MMP26: variants seen among roughly 807,000 people sequenced by gnomAD.
MMP26 encodes the protein matrix metallopeptidase 26, also known as matrix metalloproteinase-26.
A neutral mutation model predicts 31.0 loss-of-function variants in MMP26; 33 were observed. The observed-to-expected ratio is 1.06, with a 90% CI of 0.81 to 1.42. MMP26 has a LOEUF of 1.42. Among genes scored for constraint, MMP26 ranks in the 40% most tolerant of loss-of-function variants. The probability of loss-of-function intolerance (pLI) is 0.00; values close to 1 mark genes in which losing one functional copy is unlikely to be tolerated. For missense variants in MMP26, 347 were observed against 316.1 expected, an observed-to-expected ratio of 1.10 and a Z score of -0.74; for synonymous variants, 122 against 114.9, an observed-to-expected ratio of 1.06 and a Z score of -0.40.
chr11:4,799,819 T>A (rs1849157376), intron 2 of MMP26, among the ~76,000 whole-genome samples: 2 of 152,142 alleles, frequency 1.3e-5, no homozygotes, highest in Admixed American at 1.3e-4. Context: ...AAAGGGGCAA[T>A]AAGTCCCACA....
chr11:4,711,125 T>C (rs1013340923), intron 1 of MMP26: 20 of 152,250 alleles, frequency 1.3e-4, no homozygotes, highest in African/African-American at 4.8e-4. Flanking sequence ...TGTAAAGATA[T>C]ATTGTGATGT....
chr11:4,808,130 A>C (rs1408302085), intron 2 of MMP26, among the ~76,000 whole-genome samples: 4 of 152,138 alleles, frequency 2.6e-5, no homozygotes, highest in African/African-American at 9.7e-5. Flanking sequence ...TCTAACTCAC[A>C]CAAAACCTCT....
intron 2 of MMP26, among the ~76,000 whole-genome samples, chr11:4,840,836 T>C (rs977817665): frequency 6.6e-6 from 1 of 152,176 alleles, no homozygotes; most frequent in Non-Finnish European, 1.5e-5. Context: ...GGACCAATCC[T>C]GGAGAAACAG....
At chr11:4,942,038 T>A (rs1028708378) in intron 2 of MMP26, among the ~76,000 whole-genome samples, 1 of 132,174 alleles carries the variant, frequency 7.6e-6, no homozygotes, top group African/African-American at 2.9e-5. Flanking sequence ...TGAGTCAAGA[T>A]CGTGCCACTG....
intron 1 of MMP26, among the ~76,000 whole-genome samples, chr11:4,757,045 T>TA (rs1407231573): frequency 6.6e-6 from 1 of 152,080 alleles, no homozygotes; most frequent in Non-Finnish European, 1.5e-5. Context: ...GCAAAAGACT[T>TA]ACAATTTTGA....
intron 2 of MMP26, among the ~76,000 whole-genome samples, chr11:4,852,203 A>G (rs1250298260): frequency 6.6e-6 from 1 of 152,066 alleles, no homozygotes; most frequent in Non-Finnish European, 1.5e-5. Flanking sequence ...AAAATACATG[A>G]ACCAAAACTG....
chr11:4,763,069 T>G (rs1311179006), intron 1 of MMP26, among the ~76,000 whole-genome samples: 1 of 152,208 alleles, frequency 6.6e-6, no homozygotes. Flanking sequence ...ATTATAAGAT[T>G]AATCTTACAT....
chr11:4,735,471 C>T (rs1462046780), intron 1 of MMP26, among the ~76,000 whole-genome samples: 1 of 152,108 alleles, frequency 6.6e-6, no homozygotes, highest in Non-Finnish European at 1.5e-5. Flanking sequence ...TGGATCTCTC[C>T]CCTTACCTTA....
In MMP26 at chr11:4,843,108, C is replaced by A. The variant is rs76279908; in HGVS notation, c.-145+75767C>A. Among the ~76,000 whole-genome samples the A allele has an allele frequency of 5.4e-3, 822 of 152,358 alleles. 10 individuals carry two copies. Among genetic ancestry groups the A allele is most frequent in the African/African-American group, 0.018 (755 of 41,586 alleles). On this transcript the variant is annotated intron_variant, in intron 2 of 7. Transcript: ENST00000380390. ...TGTGCCCCTGTGGCTATTCAGGATACAGCCCCTGCAGTTGCTTTCACAGGC... is the reference window on the plus strand; with the variant it reads ...TGTGCCCCTGTGGCTATTCAGGATAAAGCCCCTGCAGTTGCTTTCACAGGC...
At chr11:4,762,275 T>C (rs1029722939) in intron 1 of MMP26, among the ~76,000 whole-genome samples, 2 of 152,202 alleles carry the variant, frequency 1.3e-5, no homozygotes, top group African/African-American at 2.4e-5. Context: ...TTTATCCAAA[T>C]TTGTTTTAGT....
chr11:4,910,359 T>C (rs149613493), intron 2 of MMP26, among the ~76,000 whole-genome samples: 2 of 152,244 alleles, frequency 1.3e-5, no homozygotes, highest in Admixed American at 1.3e-4. Flanking sequence ...ATATTCTGCC[T>C]ATGTTAAGGT....
chr11:4,781,563 A>G (rs1848862921), intron 2 of MMP26, among the ~76,000 whole-genome samples: 1 of 54,830 alleles, frequency 1.8e-5, no homozygotes, highest in Non-Finnish European at 5.4e-5. Context: ...CAAAAAAAAA[A>G]AAAAAAAAAA....
chr11:4,729,862 T>C (rs935836079), intron 1 of MMP26, among the ~76,000 whole-genome samples: 13 of 152,148 alleles, frequency 8.5e-5, no homozygotes, highest in African/African-American at 3.1e-4. Flanking sequence ...GCATGGATTT[T>C]TGTGGTCTGA....
chr11:4,711,342 A>AT (rs1847859919), intron 1 of MMP26: 1 of 152,232 alleles, frequency 6.6e-6, no homozygotes, highest in Non-Finnish European at 1.5e-5. Flanking sequence ...GTAAATGCAC[A>AT]TTAAAAAGTA....
At chr11:4,798,367 G>T (rs1849136291) in intron 2 of MMP26, among the ~76,000 whole-genome samples, 1 of 152,190 alleles carries the variant, frequency 6.6e-6, no homozygotes, top group Non-Finnish European at 1.5e-5. Flanking sequence ...GGGACTACAG[G>T]ACCTCACCCA....
chr11:4,754,435 A>T (rs1294582823), intron 1 of MMP26, among the ~76,000 whole-genome samples: 1 of 152,030 alleles, frequency 6.6e-6, no homozygotes, highest in Non-Finnish European at 1.5e-5. Flanking sequence ...ATGTAATTAG[A>T]TTACTGAAAC....
At chr11:4,706,321 A>T (rs530477936) in intron 1 of MMP26, among the ~76,000 whole-genome samples, 16 of 152,116 alleles carry the variant, frequency 1.1e-4, no homozygotes, top group African/African-American at 3.4e-4. Context: ...AGCACTTTGG[A>T]GGCCAAGGCA....
chr11:4,991,896 A>G (rs1045703417), intron 6 of MMP26, 68 bp from the exon 7 acceptor site: 27 of 1,366,904 alleles, frequency 2.0e-5, no homozygotes, highest in Middle Eastern at 2.0e-4. Flanking sequence ...TCTTTGTCCT[A>G]TTTCACACAC....
intron 1 of MMP26, among the ~76,000 whole-genome samples, chr11:4,738,755 A>T (rs1848275216): frequency 1.3e-5 from 2 of 152,094 alleles, no homozygotes; most frequent in African/African-American, 4.8e-5. Flanking sequence ...TAATTATGTC[A>T]TTTGAATTTT....
Sources: gnomAD v4.1 joint callset for allele counts (sites outside exome capture counted in the v4.1 genomes callset) on GRCh38, gnomAD v4.1.1 for gene constraint, MANE v1.5 for transcripts, NCBI Gene and HGNC (gene_info 2026-07-23, HGNC 2026-07-21) for gene names.